The following KCNQ5 variants were observed in gnomAD, a reference collection of about 807,000 sequenced individuals.
The protein encoded by KCNQ5 is potassium voltage-gated channel subfamily Q member 5, also known as potassium voltage-gated channel subfamily KQT member 5.
KCNQ5 carries 30 observed loss-of-function variants against 98.2 expected under a neutral mutation model. The ratio of observed to expected loss-of-function variants is 0.31; its 90% CI spans 0.23 to 0.41. The LOEUF is 0.41. KCNQ5 is among the 10% of genes least tolerant of loss of function. The pLI is 1.00. For missense variants in KCNQ5, 835 were observed against 1,182.5 expected (o/e 0.71, Z 4.31); for synonymous variants, 458 against 449.4 (o/e 1.02, Z -0.24).
intron 1 of KCNQ5, among the ~76,000 whole-genome samples, chr6:72,900,122 C>G (rs1779427292): frequency 6.6e-6 from 1 of 152,104 alleles, no homozygotes; most frequent in Non-Finnish European, 1.5e-5. Flanking sequence ...AGGCGTCAGC[C>G]ACTGCGCCTG....
rs1769817198 is a variant in KCNQ5, at chr6:73,006,452, T to C, written c.489+2454T>C. ...AGATCACTTGAGGTCAGGAGTTTGA[T>C]ACCAGCCTGGCCAACACAGTGAAAG... On this transcript the variant is annotated intron_variant, in intron 2 of 13. Coordinates refer to ENST00000370398, the MANE Select transcript of KCNQ5 (RefSeq NM_019842.4). 3.3e-5 allele frequency among the ~76,000 whole-genome samples: 5 copies of C among 151,960 alleles called. No homozygotes were observed. In the South Asian group the frequency reaches 1.0e-3, roughly 32 times the overall value.
chr6:73,124,936 G>GT (rs1775889230), intron 9 of KCNQ5, among the ~76,000 whole-genome samples: 3 of 76,278 alleles, frequency 3.9e-5, no homozygotes, highest in African/African-American at 1.3e-4. Context: ...CTTTTGGAGT[G>GT]ATATATATAT....
chr6:72,792,504 CT>C (rs1288092617), intron 1 of KCNQ5, among the ~76,000 whole-genome samples: 1 of 152,160 alleles, frequency 6.6e-6, no homozygotes, highest in Non-Finnish European at 1.5e-5. Flanking sequence ...TGACTATATT[CT>C]GGTAATCACA....
chr6:72,753,579 A>G (rs1771799661), intron 1 of KCNQ5, among the ~76,000 whole-genome samples: 2 of 152,258 alleles, frequency 1.3e-5, no homozygotes, highest in South Asian at 2.1e-4. Flanking sequence ...TCAGTTCAAC[A>G]TCTAAACCAA....
rs529354605 is a variant in KCNQ5 at position 73,177,791 on chromosome 6, C to T, written c.1577+7937C>T. On this transcript the variant is annotated intron_variant, in intron 11 of 13. Transcript: ENST00000370398. ...TACAGTAAAGGACGCTGCTAAAGAA[C>T]ATTTTATGGATCATTTAGCACATAT... 5.3e-4 allele frequency among the ~76,000 whole-genome samples: 80 copies of T among 152,292 alleles called. 1 individual carries two copies. The highest frequency in any genetic ancestry group is 1.8e-3 in the African/African-American group (73 of 41,554).
chr6:72,897,177 G>A (rs544688838), intron 1 of KCNQ5, among the ~76,000 whole-genome samples: 1 of 152,186 alleles, frequency 6.6e-6, no homozygotes, highest in South Asian at 2.1e-4. Flanking sequence ...TGGGGCCCAG[G>A]ATAATGGGGG....
chr6:72,813,344 G>A (rs1775336781), intron 1 of KCNQ5, among the ~76,000 whole-genome samples: 2 of 152,038 alleles, frequency 1.3e-5, no homozygotes, highest in African/African-American at 4.8e-5. Context: ...CATAAAGTCT[G>A]TATTCTTTGT....
At chr6:73,054,979 A>C (rs886823008) in intron 3 of KCNQ5, 6 of 418,862 alleles carry the variant, frequency 1.4e-5, no homozygotes, top group African/African-American at 1.0e-4. Flanking sequence ...TTTGATAAAC[A>C]ACTTCAGCAA....
chr6:72,832,501 A>C (rs72941577), intron 1 of KCNQ5, among the ~76,000 whole-genome samples: 9,840 of 152,180 alleles, frequency 0.065, 422 homozygotes, highest in Non-Finnish European at 0.094. Flanking sequence ...GCCCCACAAC[A>C]AAGGATTCTC....
intron 9 of KCNQ5, 136 bp from the exon 10 acceptor site, chr6:73,133,285 A>G: frequency 1.4e-6 from 1 of 698,278 alleles, no homozygotes; most frequent in Non-Finnish European, 2.4e-6. Context: ...AGGGAAAAAT[A>G]ATTGCTATGC....
chr6:72,871,762 A>G (rs751342634), intron 1 of KCNQ5, among the ~76,000 whole-genome samples: 117 of 152,318 alleles, frequency 7.7e-4, no homozygotes, highest in Non-Finnish European at 1.4e-3. Context: ...GACTCTGTAC[A>G]TAAAGTTACC....
chr6:73,167,864 G>A (rs561036243), intron 10 of KCNQ5, among the ~76,000 whole-genome samples: 10 of 152,222 alleles, frequency 6.6e-5, no homozygotes, highest in South Asian at 6.2e-4. Context: ...CTATAAGGTC[G>A]CTAATCCCAT....
chr6:73,106,719 G>T (rs1157245123), intron 6 of KCNQ5, among the ~76,000 whole-genome samples: 1 of 152,220 alleles, frequency 6.6e-6, no homozygotes, highest in African/African-American at 2.4e-5. Context: ...CTGAGGTCAT[G>T]GGGATTAGGA....
At chr6:72,797,242 G>A (rs1774385404) in intron 1 of KCNQ5, among the ~76,000 whole-genome samples, 1 of 152,120 alleles carries the variant, frequency 6.6e-6, no homozygotes, top group South Asian at 2.1e-4. Flanking sequence ...TATAGGCCAG[G>A]TGTGATGGCT....
intron 11 of KCNQ5, among the ~76,000 whole-genome samples, chr6:73,172,891 A>T (rs540296267): frequency 6.6e-6 from 1 of 152,354 alleles, no homozygotes; most frequent in South Asian, 2.1e-4. Context: ...TACTGCAAGG[A>T]TGACAGTATG....
chr6:72,746,824 T>C (rs1678438942), intron 1 of KCNQ5, among the ~76,000 whole-genome samples: 1 of 152,196 alleles, frequency 6.6e-6, no homozygotes, highest in African/African-American at 2.4e-5. Flanking sequence ...TTTTATGTTA[T>C]GCTACATTCT....
chr6:72,728,146 T>C (rs1483010659), intron 1 of KCNQ5, among the ~76,000 whole-genome samples: 2 of 152,188 alleles, frequency 1.3e-5, no homozygotes, highest in African/African-American at 4.8e-5. Context: ...ATATAACATA[T>C]GGTATAGCTA....
chr6:73,152,611 A>G (rs1303652727), intron 10 of KCNQ5, among the ~76,000 whole-genome samples: 2 of 152,108 alleles, frequency 1.3e-5, no homozygotes, highest in African/African-American at 2.4e-5. Flanking sequence ...TTTGAGCTCC[A>G]TTTTTGTACT....
intron 2 of KCNQ5, among the ~76,000 whole-genome samples, chr6:73,036,440 G>A (rs1404967442): frequency 6.8e-6 from 1 of 148,018 alleles, no homozygotes; most frequent in South Asian, 2.1e-4. Context: ...TTGTCACAAG[G>A]ATCTCTCAAG....
Sources: allele counts gnomAD v4.1 joint callset (sites outside exome capture counted in the v4.1 genomes callset), GRCh38; gene constraint gnomAD v4.1.1; transcripts MANE v1.5; gene names NCBI Gene and HGNC (gene_info 2026-07-23, HGNC 2026-07-21).